MAGI2: variants seen among roughly 807,000 people sequenced by gnomAD.
MAGI2 encodes the protein membrane associated guanylate kinase, WW and PDZ domain containing 2.
Under a neutral mutation model 133.3 loss-of-function variants are expected in MAGI2, and 35 were observed. The observed-to-expected ratio is 0.26, with a 90% CI of 0.20 to 0.35. The LOEUF (loss-of-function observed/expected upper bound fraction) is 0.35. Among genes scored for constraint, MAGI2 ranks in the 10% least tolerant of loss-of-function variants. The probability of loss-of-function intolerance (pLI) is 1.00; values close to 1 mark genes in which losing one functional copy is unlikely to be tolerated. For synonymous variants in MAGI2, 729 were observed against 710.6 expected (o/e 1.03, Z -0.41); for missense variants, 1,636 against 1,863.4 (o/e 0.88, Z 2.25).
At chr7:79,054,525 G>A (rs771005381) in intron 1 of MAGI2, among the ~76,000 whole-genome samples, 19 of 152,074 alleles carry the variant, frequency 1.2e-4, no homozygotes, top group Admixed American at 7.2e-4. Context: ...ATCTGTCACT[G>A]ATTCTTGTCG....
At chr7:78,749,854 A>C (rs1033604988) in intron 2 of MAGI2, among the ~76,000 whole-genome samples, 12 of 152,040 alleles carry the variant, frequency 7.9e-5, no homozygotes, top group African/African-American at 2.4e-4. Flanking sequence ...TATATAAACA[A>C]TTTTTCTTCA....
At chr7:78,336,739 A>G (rs1038382971) in intron 9 of MAGI2, among the ~76,000 whole-genome samples, 1 of 152,042 alleles carries the variant, frequency 6.6e-6, no homozygotes, top group African/African-American at 2.4e-5. Flanking sequence ...AAGATGATGA[A>G]AAGAAGAAAG....
At position 79,128,620 on chromosome 7, in the gene MAGI2, A is replaced by G. The variant is rs866509988; in HGVS notation, c.302-121414T>C. Among the ~76,000 whole-genome samples the G allele has an allele frequency of 1.4e-4, 21 of 152,324 alleles. No individual in the cohort carries two copies. In the South Asian group the frequency reaches 3.7e-3, roughly 27 times the overall value. On this transcript the variant is annotated intron_variant, in intron 1 of 21. Coordinates refer to ENST00000354212, the MANE Select transcript of MAGI2 (RefSeq NM_012301.4). ...AGTACCTTGTTTTCAACATTATACTATTCTGCTCCATCTCTGAAAATGCAA... is the reference window on the plus strand; with the variant it reads ...AGTACCTTGTTTTCAACATTATACTGTTCTGCTCCATCTCTGAAAATGCAA...
At chr7:79,197,301 A>G (rs1828170697) in intron 1 of MAGI2, among the ~76,000 whole-genome samples, 1 of 151,944 alleles carries the variant, frequency 6.6e-6, no homozygotes, top group Admixed American at 6.6e-5. Context: ...GTCAGGTCTG[A>G]CTATGCCTGA....
At chr7:78,285,854 T>A (rs1796096478) in intron 9 of MAGI2, 1 of 152,154 alleles carries the variant, frequency 6.6e-6, no homozygotes. Flanking sequence ...CTGCAGTTCA[T>A]ACTTGAGTTG....
chr7:78,664,548 T>C (rs978159953), intron 2 of MAGI2, among the ~76,000 whole-genome samples: 1 of 152,042 alleles, frequency 6.6e-6, no homozygotes, highest in African/African-American at 2.4e-5. Context: ...TAGTATGTTT[T>C]TCTACTTTTG....
At chr7:79,284,317 C>T (rs1003506290) in intron 1 of MAGI2, among the ~76,000 whole-genome samples, 4 of 152,070 alleles carry the variant, frequency 2.6e-5, no homozygotes, top group African/African-American at 7.2e-5. Context: ...AATCCATAGG[C>T]CCTTACTGCA....
At chr7:78,170,536 A>G (rs1488511317) in intron 14 of MAGI2, 1 of 152,220 alleles carries the variant, frequency 6.6e-6, no homozygotes, top group Non-Finnish European at 1.5e-5. Flanking sequence ...AACAAAAATC[A>G]CTACCCTATA....
At chr7:78,643,741 G>T (rs148499205) in intron 2 of MAGI2, among the ~76,000 whole-genome samples, 3 of 152,186 alleles carry the variant, frequency 2.0e-5, no homozygotes, top group African/African-American at 7.2e-5. Flanking sequence ...CACAAGGGGT[G>T]GGGGATGGGA....
chr7:79,271,934 C>T (rs1178582566), intron 1 of MAGI2, among the ~76,000 whole-genome samples: 1 of 152,060 alleles, frequency 6.6e-6, no homozygotes. Flanking sequence ...GGGGTCATGG[C>T]ACTGGAATGC....
chr7:78,292,920 T>C (rs1482513314), intron 9 of MAGI2, among the ~76,000 whole-genome samples: 1 of 152,160 alleles, frequency 6.6e-6, no homozygotes, highest in Non-Finnish European at 1.5e-5. Flanking sequence ...TTACATCTTA[T>C]ACAAAAATTA....
chr7:78,593,646 T>TA (rs1377501544), intron 3 of MAGI2, among the ~76,000 whole-genome samples: 2 of 152,204 alleles, frequency 1.3e-5, no homozygotes, highest in African/African-American at 4.8e-5. Flanking sequence ...GACTAACTCT[T>TA]ATTTGTCTTC....
At chr7:78,146,406 T>A (rs1363091588) in intron 16 of MAGI2, among the ~76,000 whole-genome samples, 3 of 152,152 alleles carry the variant, frequency 2.0e-5, no homozygotes, top group Admixed American at 2.0e-4. Context: ...TTAGTAATTT[T>A]TAATCAGTTT....
chr7:79,354,892 G>T (rs73704182), intron 1 of MAGI2, among the ~76,000 whole-genome samples: 3,219 of 152,224 alleles, frequency 0.021, 98 homozygotes, highest in African/African-American at 0.075. Flanking sequence ...GTGAGTAGCT[G>T]GGTTTCTGAC....
intron 1 of MAGI2, among the ~76,000 whole-genome samples, chr7:79,357,676 A>T (rs1173338403): frequency 6.6e-6 from 1 of 152,150 alleles, no homozygotes; most frequent in Non-Finnish European, 1.5e-5. Context: ...GGCATAAGTC[A>T]TCTATTTTGA....
intron 2 of MAGI2, among the ~76,000 whole-genome samples, chr7:78,891,925 G>C (rs1202747156): frequency 6.6e-6 from 1 of 152,298 alleles, no homozygotes; most frequent in African/African-American, 2.4e-5. Flanking sequence ...ATTAGGAAAA[G>C]AGGAAGTCAA....
At chr7:78,118,497 C>T (rs1820096975) in intron 20 of MAGI2, among the ~76,000 whole-genome samples, 1 of 152,094 alleles carries the variant, frequency 6.6e-6, no homozygotes, top group Admixed American at 6.5e-5. Flanking sequence ...ACTCTTAAAA[C>T]TCAACAATAA....
chr7:78,260,812 G>C (rs1793446172), intron 9 of MAGI2, among the ~76,000 whole-genome samples: 2 of 152,222 alleles, frequency 1.3e-5, no homozygotes, highest in South Asian at 4.1e-4. Flanking sequence ...GTGAGGTAGA[G>C]TGAGTTTGAT....
chr7:78,799,212 G>C (rs1406235724), intron 2 of MAGI2, among the ~76,000 whole-genome samples: 3 of 152,120 alleles, frequency 2.0e-5, no homozygotes. Context: ...CAACTATTGA[G>C]ATATGCTTGG....
Sources: allele counts gnomAD v4.1 joint callset (sites outside exome capture counted in the v4.1 genomes callset), GRCh38; gene constraint gnomAD v4.1.1; transcripts MANE v1.5; gene names NCBI Gene and HGNC (gene_info 2026-07-23, HGNC 2026-07-21).